The following DCDC1 variants were observed in gnomAD, a reference collection of about 807,000 sequenced individuals.
The protein encoded by DCDC1 is doublecortin domain containing 1.
In DCDC1, 200 loss-of-function variants were observed where a neutral mutation model predicts 178.3. That is an observed-to-expected ratio of 1.12 (90% confidence interval 1.00 to 1.26). DCDC1 has a LOEUF of 1.26. Among genes scored for constraint, DCDC1 ranks in the 50% most tolerant of loss-of-function variants. DCDC1 has a pLI of 0.00. For synonymous variants in DCDC1, 690 were observed against 604.8 expected (o/e 1.14, Z -2.07); for missense variants, 1,983 against 1,749.2 (o/e 1.13, Z -2.38).
At chr11:31,029,030 T>G (rs1953444358) in intron 20 of DCDC1, among the ~76,000 whole-genome samples, 1 of 152,040 alleles carries the variant, frequency 6.6e-6, no homozygotes, top group Non-Finnish European at 1.5e-5. Flanking sequence ...ATGACAATGT[T>G]GAACATGAAA....
intron 20 of DCDC1, among the ~76,000 whole-genome samples, chr11:31,005,886 C>G (rs989701033): frequency 6.6e-5 from 10 of 150,560 alleles, no homozygotes; most frequent in Non-Finnish European, 1.5e-4. Flanking sequence ...ATGGAAGCTT[C>G]CTCCTTGACC....
chr11:30,988,211 G>A (rs1950764844), intron 20 of DCDC1, among the ~76,000 whole-genome samples: 1 of 152,158 alleles, frequency 6.6e-6, no homozygotes, highest in South Asian at 2.1e-4. Flanking sequence ...GAAGCAGAAA[G>A]AGCAGTTAGG....
Position 30,892,867 on chromosome 11 carries a change from C to A in DCDC1, c.5033G>T (p.Gly1678Val). Reference sequence around the variant, plus strand: ...ATAAGTGCCATCTTCAGGTCTGCCTCCATTTAGATAAATCCACACTCGTTT... The same window carrying A: ...ATAAGTGCCATCTTCAGGTCTGCCTACATTTAGATAAATCCACACTCGTTT... ...NTKRVWIYLN[G>V]GRPEDGTYAW... is the part of the protein sequence containing the mutation. Residue 1678 changes from glycine (G) to valine (V), a missense_variant, in exon 36 of 39, where the codon GGA becomes GTA. Transcript: ENST00000684477. The A allele has an allele frequency of 6.2e-7, 1 of 1,613,902 alleles. No individual in the cohort carries two copies. The highest frequency in any genetic ancestry group is 1.1e-5 in the South Asian group (1 of 91,078).
At chr11:31,203,033 T>C (rs1489442368) in intron 9 of DCDC1, among the ~76,000 whole-genome samples, 1 of 151,982 alleles carries the variant, frequency 6.6e-6, no homozygotes, top group Admixed American at 6.5e-5. Flanking sequence ...AAATAACTGC[T>C]GGACAGTGAA....
rs557111344 is a variant in DCDC1, at chr11:30,935,808, T to G, written c.2716-3856A>C. On this transcript the variant is annotated intron_variant, in intron 21 of 38. Transcript: ENST00000684477. ...ACCTCGTGATCCGCCCGCCTCGGCC[T>G]CCCAAAGTGCTGGGATTACAGGCAT... Among the ~76,000 whole-genome samples the G allele has an allele frequency of 4.6e-5, 7 of 152,312 alleles. No homozygotes were observed. In the East Asian group the frequency reaches 9.7e-4, roughly 21 times the overall value.
chr11:31,009,436 C>G lies in DCDC1; in HGVS notation c.2591+55033G>C, dbSNP rs1431251689. 4.3e-5 allele frequency among the ~76,000 whole-genome samples: 5 copies of G among 115,810 alleles called. No homozygotes were observed. In the Admixed American group the frequency reaches 4.8e-4, roughly 11 times the overall value. The allele number at this position is 115,810 out of a possible 152,430, so 76.0% of individuals were successfully genotyped here. A position where few individuals can be genotyped will look rare whatever the true frequency, so the allele number is the denominator to read the frequency against. On this transcript the variant is annotated intron_variant, in intron 20 of 38. Coordinates refer to ENST00000684477, the MANE Select transcript of DCDC1 (RefSeq NM_001387274.1). ...ACACACAATTATTGTCTCACAGTTT[C>G]TTTGTGTGTGTGTGTGTGTGTGTGT... is the stretch of plus-strand genomic sequence containing the variant.
intron 2 of DCDC1, among the ~76,000 whole-genome samples, chr11:31,330,712 G>A (rs763574189): frequency 4.6e-5 from 7 of 152,098 alleles, no homozygotes; most frequent in Non-Finnish European, 1.0e-4. Flanking sequence ...GGCTGTAGAT[G>A]TACAGTGTTA....
intron 9 of DCDC1, among the ~76,000 whole-genome samples, chr11:31,198,290 A>T (rs1278948697): frequency 2.0e-5 from 3 of 152,080 alleles, no homozygotes; most frequent in African/African-American, 7.2e-5. Flanking sequence ...AGAATTCTAC[A>T]TAGAAAAATG....
At chr11:30,885,588 T>C (rs1943091350) in intron 36 of DCDC1, among the ~76,000 whole-genome samples, 1 of 152,012 alleles carries the variant, frequency 6.6e-6, no homozygotes, top group Admixed American at 6.5e-5. Flanking sequence ...CAAATTCACC[T>C]CAACAAGTAA....
chr11:31,017,139 A>C (rs981997024), intron 20 of DCDC1, among the ~76,000 whole-genome samples: 2 of 152,246 alleles, frequency 1.3e-5, no homozygotes, highest in African/African-American at 4.8e-5. Context: ...GAAGTAAAAA[A>C]AAGATTAGCT....
chr11:31,100,426 A>T (rs1017558055), intron 15 of DCDC1, among the ~76,000 whole-genome samples: 2 of 152,234 alleles, frequency 1.3e-5, no homozygotes, highest in Non-Finnish European at 2.9e-5. Flanking sequence ...AAATACCTAT[A>T]CCAAAACACA....
At chr11:31,356,735 T>TA (rs1291285401) in intron 1 of DCDC1, among the ~76,000 whole-genome samples, 1 of 149,884 alleles carries the variant, frequency 6.7e-6, no homozygotes, top group Non-Finnish European at 1.5e-5. Flanking sequence ...ATAGACGCAA[T>TA]AAAAAATGAT....
At chr11:31,248,513 A>G (rs1310706176) in intron 8 of DCDC1, among the ~76,000 whole-genome samples, 1 of 152,062 alleles carries the variant, frequency 6.6e-6, no homozygotes, top group African/African-American at 2.4e-5. Flanking sequence ...AAGTAGGAAT[A>G]ATAATAATAC....
At position 30,864,028 on chromosome 11, in the gene DCDC1, G is replaced by A. The variant is rs1940810881; in HGVS notation, c.*1345C>T. The A allele has an allele frequency of 6.6e-6, 1 of 152,222 alleles. No individual in the cohort carries two copies. The highest frequency in any genetic ancestry group is 2.4e-5 in the African/African-American group (1 of 41,444). The allele number at this position is 152,222 out of a possible 1,614,324, so 9.4% of individuals were successfully genotyped here. A position where few individuals can be genotyped will look rare whatever the true frequency, so the allele number is the denominator to read the frequency against. Reference sequence around the variant, plus strand: ...TGTAGTCCCAGCTACTCAGGAGGCTGAGACAGGAGAATTGCTTGAACCTGG... The same window carrying A: ...TGTAGTCCCAGCTACTCAGGAGGCTAAGACAGGAGAATTGCTTGAACCTGG... On this transcript the variant is annotated 3_prime_UTR_variant, in exon 39 of 39. Transcript: ENST00000684477.
chr11:30,978,712 C>T (rs1024813760), intron 20 of DCDC1, among the ~76,000 whole-genome samples: 1 of 151,070 alleles, frequency 6.6e-6, no homozygotes, highest in African/African-American at 2.4e-5. Flanking sequence ...AACGTTAGAA[C>T]TTATTCCTTC....
At chr11:31,229,525 T>A (rs1432760529) in intron 9 of DCDC1, among the ~76,000 whole-genome samples, 1 of 152,120 alleles carries the variant, frequency 6.6e-6, no homozygotes, top group Non-Finnish European at 1.5e-5. Flanking sequence ...AAAATCTCAA[T>A]TATTGGAGTA....
At chr11:31,108,979 C>G (rs1229326502) in intron 12 of DCDC1, among the ~76,000 whole-genome samples, 2 of 152,160 alleles carry the variant, frequency 1.3e-5, no homozygotes, top group Non-Finnish European at 1.5e-5. Context: ...TGGGTGGTGT[C>G]ACAAGGGCTC....
At chr11:31,334,703 A>G (rs913280140) in intron 2 of DCDC1, among the ~76,000 whole-genome samples, 9 of 152,146 alleles carry the variant, frequency 5.9e-5, no homozygotes, top group African/African-American at 2.2e-4. Context: ...CCTGGGTATC[A>G]CCAGCAGAGG....
intron 8 of DCDC1, among the ~76,000 whole-genome samples, chr11:31,242,159 G>C (rs1020884646): frequency 6.6e-6 from 1 of 151,794 alleles, no homozygotes; most frequent in Admixed American, 6.6e-5. Flanking sequence ...TAAAAACAGG[G>C]GGCAGAATCT....
Sources: gnomAD v4.1 joint callset for allele counts (sites outside exome capture counted in the v4.1 genomes callset) on GRCh38, gnomAD v4.1.1 for gene constraint, MANE v1.5 for transcripts, NCBI Gene and HGNC (gene_info 2026-07-23, HGNC 2026-07-21) for gene names.